CNTRL: variants seen among roughly 807,000 people sequenced by gnomAD.
CNTRL encodes the protein centriolin.
CNTRL carries 233 observed loss-of-function variants against 303.7 expected under a neutral mutation model. That is an observed-to-expected ratio of 0.77 (90% CI 0.69 to 0.86). The LOEUF (loss-of-function observed/expected upper bound fraction) is 0.86. Ranked by LOEUF, CNTRL falls within the 40% of genes least tolerant of loss-of-function variation. The pLI is 0.00. For synonymous variants in CNTRL, 900 were observed against 922.2 expected (o/e 0.98, Z 0.44); for missense variants, 2,524 against 2,650.6 (o/e 0.95, Z 1.05).
At chr9:121,135,721 C>A in intron 14 of CNTRL, 85 bp from the exon 15 acceptor site, 1 of 1,288,276 alleles carries the variant, frequency 7.8e-7, no homozygotes, top group Non-Finnish European at 1.0e-6. Context: ...ATTTGGTTTA[C>A]AGTGCTCAAG....
chr9:121,173,854 A>C, intron 42 of CNTRL, 117 bp downstream of exon 42: 1 of 955,506 alleles, frequency 1.0e-6, no homozygotes, highest in Non-Finnish European at 1.7e-6. Context: ...CCCTGCCAGC[A>C]GTGTCAGGGA....
In CNTRL at chr9:121,123,970, C is replaced by T. The variant is rs780085148; in HGVS notation, c.1690C>T (p.Leu564Phe). ...KAQKSGKEQQLDIMNKQYQQL... is the reference protein window; with the variant it reads ...KAQKSGKEQQFDIMNKQYQQL... Reference sequence around the variant, plus strand: ...TCAAAAGAGCGGTAAAGAACAACAGCTTGACATTATGAACAAGCAGTACCA... The same window carrying T: ...TCAAAAGAGCGGTAAAGAACAACAGTTTGACATTATGAACAAGCAGTACCA... Residue 564 changes from leucine to phenylalanine, a missense_variant, in exon 13 of 44, where the codon CTT becomes TTT. Coordinates refer to ENST00000373855, the MANE Select transcript of CNTRL (RefSeq NM_007018.6). 2 of 1,610,504 alleles carry T rather than the reference C, an allele frequency of 1.2e-6. No homozygotes were observed. Among genetic ancestry groups the T allele is most frequent in the Non-Finnish European group, 1.7e-6 (2 of 1,178,642 alleles).
chr9:121,085,409 TA>T (rs1273789539), intron 2 of CNTRL, among the ~76,000 whole-genome samples: 1 of 152,098 alleles, frequency 6.6e-6, no homozygotes, highest in Non-Finnish European at 1.5e-5. Context: ...TACATTGCAA[TA>T]AAAAATATGC....
chr9:121,142,001 TA>T (rs962510873), intron 18 of CNTRL, 89 bp from the exon 19 acceptor site: 2 of 1,063,826 alleles, frequency 1.9e-6, no homozygotes, highest in Non-Finnish European at 2.7e-6. Context: ...CAGCCTGTTG[TA>T]AAATGGGTGA....
At chr9:121,132,398 T>C (rs2050917539) in intron 14 of CNTRL, among the ~76,000 whole-genome samples, 1 of 152,244 alleles carries the variant, frequency 6.6e-6, no homozygotes. Context: ...CAGTCACTGA[T>C]ACCCTTTCTT....
At chr9:121,084,133 G>A (rs1304771413) in intron 2 of CNTRL, among the ~76,000 whole-genome samples, 3 of 151,958 alleles carry the variant, frequency 2.0e-5, no homozygotes, top group Non-Finnish European at 4.4e-5. Flanking sequence ...TGACTATAGG[G>A]GAAATTAAGG....
chr9:121,122,156 T>G (rs951908506), intron 12 of CNTRL, among the ~76,000 whole-genome samples: 3 of 152,228 alleles, frequency 2.0e-5, no homozygotes, highest in Non-Finnish European at 2.9e-5. Context: ...GGTGGAATTT[T>G]TAATGGTGAA....
chr9:121,101,833 C>T (rs2049186416), intron 7 of CNTRL, among the ~76,000 whole-genome samples: 1 of 152,160 alleles, frequency 6.6e-6, no homozygotes, highest in Admixed American at 6.5e-5. Flanking sequence ...CACATACACC[C>T]TCCCAAGACT....
In CNTRL at chr9:121,160,296, A is replaced by G; in HGVS notation, c.5083A>G (p.Lys1695Glu). 2 of 1,512,192 alleles carry G rather than the reference A, an allele frequency of 1.3e-6. No homozygotes were observed. Among genetic ancestry groups the G allele is most frequent in the Non-Finnish European group, 1.8e-6 (2 of 1,137,028 alleles). The allele number at this position is 1,512,192 out of a possible 1,614,324, so 93.7% of individuals were successfully genotyped here. A position where few individuals can be genotyped will look rare whatever the true frequency, so the allele number is the denominator to read the frequency against. Residue 1695 changes from lysine to glutamate, a missense_variant, in exon 32 of 44, where the codon AAA (lysine) becomes GAA (glutamate). Coordinates refer to ENST00000373855, the MANE Select transcript of CNTRL (RefSeq NM_007018.6). The part of the protein sequence containing the change: ...QVVLRQMSKH[K>E]TELKNILDML... ...TGTTTTAAGGCAGATGTCTAAACAT[A>G]AAACCGGTAAGTTTAAAGGAAAACA...
intron 7 of CNTRL, among the ~76,000 whole-genome samples, chr9:121,101,689 A>G (rs1262426687): frequency 6.6e-6 from 1 of 152,220 alleles, no homozygotes; most frequent in Admixed American, 6.5e-5. Flanking sequence ...GAAGAATCAA[A>G]TAGACACAAT....
At position 121,086,254 on chromosome 9, in the gene CNTRL, C is replaced by G. The variant is rs139785888; in HGVS notation, c.-31-2042C>G. ...AGACAGTGTAAACAAAACAGACAGG[C>G]TCTCGTGGAGCATACAGTTCAGAAT... is the stretch of plus-strand genomic sequence containing the variant. On this transcript the variant is annotated intron_variant, in intron 2 of 43. Coordinates refer to ENST00000373855, the MANE Select transcript of CNTRL (RefSeq NM_007018.6). 1.3e-3 allele frequency among the ~76,000 whole-genome samples: 204 copies of G among 152,302 alleles called. 2 individuals carry two copies. Among genetic ancestry groups the G allele is most frequent in the African/African-American group, 4.5e-3 (186 of 41,550 alleles).
intron 42 of CNTRL, 71 bp from the exon 43 acceptor site, chr9:121,174,945 ATG>A: frequency 7.5e-7 from 1 of 1,334,250 alleles, no homozygotes; most frequent in South Asian, 1.2e-5. Context: ...TATCAAATGT[ATG>A]TGAGGAAGCT....
At chr9:121,170,202 G>A (rs1455388606) in intron 39 of CNTRL, among the ~76,000 whole-genome samples, 2 of 152,176 alleles carry the variant, frequency 1.3e-5, no homozygotes, top group Non-Finnish European at 2.9e-5. Context: ...TAGATTGAGT[G>A]GCGCAATCTC....
intron 13 of CNTRL, among the ~76,000 whole-genome samples, chr9:121,124,469 A>G (rs924986441): frequency 5.9e-5 from 9 of 152,206 alleles, no homozygotes; most frequent in Admixed American, 5.9e-4. Flanking sequence ...TGCAATGCTG[A>G]TTTAAACTGC....
At chr9:121,125,617 G>A (rs2050474272) in intron 13 of CNTRL, 99 bp from the exon 14 acceptor site, 2 of 1,046,296 alleles carry the variant, frequency 1.9e-6, no homozygotes, top group Non-Finnish European at 2.9e-6. Flanking sequence ...GGAAAGAATT[G>A]AAAGCTTAGA....
At chr9:121,164,346 C>CT (rs2052998775) in intron 34 of CNTRL, among the ~76,000 whole-genome samples, 1 of 152,116 alleles carries the variant, frequency 6.6e-6, no homozygotes, top group African/African-American at 2.4e-5. Flanking sequence ...AGTATATATG[C>CT]TAATGTTCAT....
At chr9:121,079,926 C>T (rs1364994039) in intron 1 of CNTRL, among the ~76,000 whole-genome samples, 1 of 151,950 alleles carries the variant, frequency 6.6e-6, no homozygotes, top group Non-Finnish European at 1.5e-5. Flanking sequence ...CGCAGGGGCA[C>T]GATCTTGGCT....
chr9:121,082,059 G>A (rs2048161736), intron 2 of CNTRL, among the ~76,000 whole-genome samples: 3 of 152,150 alleles, frequency 2.0e-5, no homozygotes, highest in South Asian at 4.1e-4. Context: ...GAAACAGGAG[G>A]AACATCAAAT....
At chr9:121,136,074 C>T (rs912367905) in intron 15 of CNTRL, 92 bp downstream of exon 15, 8 of 1,202,524 alleles carry the variant, frequency 6.7e-6, no homozygotes, top group Admixed American at 5.8e-5. Flanking sequence ...TAAAATTAAG[C>T]GTTTTTTCAT....
Sources: allele counts gnomAD v4.1 joint callset (sites outside exome capture counted in the v4.1 genomes callset), GRCh38; gene constraint gnomAD v4.1.1; transcripts MANE v1.5; gene names NCBI Gene and HGNC (gene_info 2026-07-23, HGNC 2026-07-21).